NKAIN2: variants seen among roughly 807,000 people sequenced by gnomAD.
NKAIN2 encodes sodium/potassium transporting ATPase interacting 2.
NKAIN2 carries 14 observed loss-of-function variants against 32.6 expected under a neutral mutation model. The observed-to-expected ratio is 0.43, with a 90% CI of 0.28 to 0.67. The LOEUF (loss-of-function observed/expected upper bound fraction) is 0.67, where lower values mean the gene tolerates loss of function less well. Ranked by LOEUF, NKAIN2 falls within the 30% of genes least tolerant of loss-of-function variation. The pLI is 0.17. For missense variants in NKAIN2, 198 were observed against 258.3 expected (o/e 0.77, Z 1.60); for synonymous variants, 80 against 87.2 (o/e 0.92, Z 0.46).
rs71021472 is a variant in NKAIN2 at position 123,948,597 on chromosome 6, A to ATTTTTT, written c.54+144370_54+144375dup. Among the ~76,000 whole-genome samples, 63 of 49,322 alleles carry ATTTTTT rather than the reference A, an allele frequency of 1.3e-3. 1 individual carries two copies. The highest frequency in any genetic ancestry group is 3.4e-3 in the East Asian group (4 of 1,168). 32.4% of individuals were successfully genotyped at this position (49,322 alleles called of 152,430 possible). On this transcript the variant is annotated intron_variant, in intron 1 of 6. Transcript: ENST00000368417. Reference sequence around the variant, plus strand: ...AAATCGTTTCCCCATCTTAAATGGGATTTTTTTTTTTTTTTTTTTTTTTTT... The same window carrying ATTTTTT: ...AAATCGTTTCCCCATCTTAAATGGGATTTTTTTTTTTTTTTTTTTTTTTTTTTTTTT...
At chr6:124,821,873 C>T (rs1385494247) in intron 6 of NKAIN2, among the ~76,000 whole-genome samples, 3 of 152,162 alleles carry the variant, frequency 2.0e-5, no homozygotes, top group Non-Finnish European at 4.4e-5. Flanking sequence ...GACGAGGAAA[C>T]TCAACCCAAT....
intron 4 of NKAIN2, among the ~76,000 whole-genome samples, chr6:124,751,335 G>T (rs79720569): frequency 0.1 from 15,815 of 151,980 alleles, 1,025 homozygotes; most frequent in East Asian, 0.32. Context: ...ACAGAGAAAT[G>T]ATTTACAAAT....
intron 1 of NKAIN2, among the ~76,000 whole-genome samples, chr6:124,068,898 G>A (rs1380468686): frequency 1.3e-5 from 2 of 151,980 alleles, no homozygotes; most frequent in South Asian, 2.1e-4. Context: ...GTAGACTCTC[G>A]AGCACAGGTC....
chr6:124,223,679 G>A (rs916686505), intron 1 of NKAIN2, among the ~76,000 whole-genome samples: 5 of 152,064 alleles, frequency 3.3e-5, no homozygotes, highest in African/African-American at 9.7e-5. Flanking sequence ...TCATTTTCTT[G>A]ATTTGTTTAT....
intron 1 of NKAIN2, among the ~76,000 whole-genome samples, chr6:124,223,889 A>T (rs577969532): frequency 7.9e-5 from 12 of 152,302 alleles, no homozygotes; most frequent in Admixed American, 1.3e-4. Flanking sequence ...AAAATGAGAG[A>T]ATTTACTGCC....
At chr6:124,694,632 T>C (rs1353161800) in intron 4 of NKAIN2, among the ~76,000 whole-genome samples, 2 of 152,228 alleles carry the variant, frequency 1.3e-5, no homozygotes, top group Admixed American at 1.3e-4. Context: ...CAAGAAAGGC[T>C]GTTGAATAAG....
At chr6:124,421,074 T>TAA (rs35625714) in intron 3 of NKAIN2, among the ~76,000 whole-genome samples, 6,213 of 133,662 alleles carry the variant, frequency 0.046, 239 homozygotes, top group East Asian at 0.17. Flanking sequence ...CTGTCAAAAT[T>TAA]AAAAAAAAAA....
intron 1 of NKAIN2, among the ~76,000 whole-genome samples, chr6:124,093,129 A>C (rs1252726969): frequency 6.6e-6 from 1 of 151,994 alleles, no homozygotes; most frequent in Admixed American, 6.6e-5. Context: ...AAACTATGGA[A>C]CCCCCTCCTC....
chr6:124,156,153 G>A (rs989416770), intron 1 of NKAIN2, among the ~76,000 whole-genome samples: 3 of 151,992 alleles, frequency 2.0e-5, no homozygotes, highest in Non-Finnish European at 2.9e-5. Flanking sequence ...CACTTAAGGG[G>A]GCCAGGATGG....
chr6:124,059,486 C>T (rs1277012840), intron 1 of NKAIN2, among the ~76,000 whole-genome samples: 1 of 152,096 alleles, frequency 6.6e-6, no homozygotes, highest in African/African-American at 2.4e-5. Flanking sequence ...TTCCATTATC[C>T]CATCTTATTA....
chr6:124,654,857 G>A (rs1434431494), intron 3 of NKAIN2, among the ~76,000 whole-genome samples: 2 of 152,268 alleles, frequency 1.3e-5, no homozygotes, highest in East Asian at 3.9e-4. Context: ...TTCACAGAAA[G>A]CCCCTTGAAA....
At chr6:124,636,255 C>T (rs199535704) in intron 3 of NKAIN2, among the ~76,000 whole-genome samples, 1 of 151,154 alleles carries the variant, frequency 6.6e-6, no homozygotes, top group East Asian at 1.9e-4. Flanking sequence ...ACACAACATA[C>T]AAAAACCTAT....
rs572078101 is a variant in NKAIN2, at chr6:123,841,867, A to T, written c.54+37613A>T. Among the ~76,000 whole-genome samples, 5 of 152,314 alleles carry T rather than the reference A, an allele frequency of 3.3e-5. No individual in the cohort carries two copies. The South Asian group carries it at 1.0e-3, about 32-fold the overall frequency. ...AGTTTTCTTGGATCAGTTATTGTAT[A>T]ACCTTGTCAGTCAAGCAACTATAGG... On this transcript the variant is annotated intron_variant, in intron 1 of 6. Transcript: ENST00000368417.
At chr6:124,716,958 C>A (rs1015367484) in intron 4 of NKAIN2, among the ~76,000 whole-genome samples, 2 of 152,178 alleles carry the variant, frequency 1.3e-5, no homozygotes, top group Non-Finnish European at 2.9e-5. Flanking sequence ...CAATGTCTAG[C>A]ATAAATACTT....
intron 3 of NKAIN2, among the ~76,000 whole-genome samples, chr6:124,481,238 TA>T (rs1318046299): frequency 1.3e-5 from 2 of 151,236 alleles, no homozygotes; most frequent in Non-Finnish European, 2.9e-5. Flanking sequence ...TTATAATAAG[TA>T]GGCTAAGATA....
chr6:124,675,161 A>G (rs1773294161), intron 4 of NKAIN2, among the ~76,000 whole-genome samples: 1 of 152,074 alleles, frequency 6.6e-6, no homozygotes, highest in African/African-American at 2.4e-5. Flanking sequence ...GTGGTATGTT[A>G]CATTAATTGA....
intron 3 of NKAIN2, among the ~76,000 whole-genome samples, chr6:124,496,317 A>G (rs1045825583): frequency 2.0e-5 from 3 of 152,180 alleles, no homozygotes; most frequent in African/African-American, 7.2e-5. Flanking sequence ...ACTGAGTAAA[A>G]TAGTATGGAT....
chr6:124,515,099 G>A (rs1361924341), intron 3 of NKAIN2, among the ~76,000 whole-genome samples: 2 of 152,124 alleles, frequency 1.3e-5, no homozygotes, highest in East Asian at 1.9e-4. Flanking sequence ...ATATTTCAGA[G>A]AGACTGCAGG....
intron 4 of NKAIN2, among the ~76,000 whole-genome samples, chr6:124,703,890 T>C (rs1307687916): frequency 1.3e-5 from 2 of 151,976 alleles, no homozygotes; most frequent in Non-Finnish European, 2.9e-5. Context: ...AAATTCAATG[T>C]CATATAGGAC....
Sources: gnomAD v4.1 joint callset for allele counts (sites outside exome capture counted in the v4.1 genomes callset) on GRCh38, gnomAD v4.1.1 for gene constraint, MANE v1.5 for transcripts, NCBI Gene and HGNC (gene_info 2026-07-23, HGNC 2026-07-21) for gene names.